Variants in SLC25A16 observed in about 807,000 individuals in gnomAD.
SLC25A16 encodes mitochondrial coenzyme A transporter SLC25A16.
SLC25A16 carries 39 observed loss-of-function variants against 41.5 expected under a neutral mutation model. The observed-to-expected ratio is 0.94, with a 90% CI of 0.73 to 1.23. The LOEUF is 1.23. SLC25A16 is among the 50% of genes most tolerant of loss of function. The probability of loss-of-function intolerance (pLI) is 0.00; values close to 1 mark genes in which losing one functional copy is unlikely to be tolerated. For missense variants in SLC25A16, 421 were observed against 426.9 expected (o/e 0.99, Z 0.12); for synonymous variants, 146 against 147.8 (o/e 0.99, Z 0.09).
chr10:68,507,728 C>T (rs1269016364), intron 2 of SLC25A16, among the ~76,000 whole-genome samples: 4 of 152,114 alleles, frequency 2.6e-5, no homozygotes, highest in Non-Finnish European at 2.9e-5. Context: ...ATTACTACTT[C>T]CATTATTCAA....
At position 68,483,377 on chromosome 10, in the gene SLC25A16, A is replaced by G. The variant is rs529685622; in HGVS notation, c.*55T>C. On this transcript the variant is annotated 3_prime_UTR_variant, in exon 9 of 9. Transcript: ENST00000609923. ...TAATGTTCCCCCCACAATTATAGTA[A>G]TGTTTCATTTCTCCCTCTGAGAATG... The G allele has an allele frequency of 1.6e-5, 18 of 1,147,050 alleles. No homozygotes were observed. The South Asian group carries it at 2.7e-4, about 17-fold the overall frequency. The allele number at this position is 1,147,050 out of a possible 1,614,324, so 71.1% of individuals were successfully genotyped here.
At chr10:68,514,480 A>G (rs1220062359) in intron 2 of SLC25A16, among the ~76,000 whole-genome samples, 3 of 152,198 alleles carry the variant, frequency 2.0e-5, no homozygotes, top group Non-Finnish European at 4.4e-5. Flanking sequence ...TGGGCAACAC[A>G]GTGAAACTCC....
At chr10:68,504,016 AC>A (rs2052904640) in intron 3 of SLC25A16, among the ~76,000 whole-genome samples, 2 of 106,348 alleles carry the variant, frequency 1.9e-5, no homozygotes, top group African/African-American at 8.0e-5. Context: ...ATAAACTGCT[AC>A]TTTTTTTTTT....
At chr10:68,517,777 T>C (rs781588582) in intron 1 of SLC25A16, 4 of 152,060 alleles carry the variant, frequency 2.6e-5, no homozygotes, top group Non-Finnish European at 5.9e-5. Flanking sequence ...GACACCAGCC[T>C]GGCCAACATG....
intron 1 of SLC25A16, among the ~76,000 whole-genome samples, chr10:68,519,549 T>A (rs927636699): frequency 1.5e-4 from 22 of 151,656 alleles, no homozygotes; most frequent in African/African-American, 5.3e-4. Flanking sequence ...CTAAAAATAA[T>A]ATGCATTTGG....
chr10:68,480,429 T>C lies in SLC25A16; in HGVS notation c.*3003A>G, dbSNP rs2052471220. On this transcript the variant is annotated 3_prime_UTR_variant, in exon 9 of 9. Transcript: ENST00000609923. ...CCTCTGTATTCTATAACATATAGAA[T>C]GCAAATTTTTATTTAAAAGATATTT... is the stretch of plus-strand genomic sequence containing the variant. 6.8e-6 allele frequency: 1 copy of C among 147,690 alleles called. No individual in the cohort carries two copies. Among genetic ancestry groups the C allele is most frequent in the Non-Finnish European group, 1.5e-5 (1 of 67,778 alleles). The allele number at this position is 147,690 out of a possible 1,614,324, so 9.1% of individuals were successfully genotyped here.
chr10:68,486,240 A>AAAAACAAAAAAAC (rs1554914568), intron 8 of SLC25A16, among the ~76,000 whole-genome samples: 1 of 146,738 alleles, frequency 6.8e-6, no homozygotes, highest in African/African-American at 2.7e-5. Context: ...ACAAAAAAAA[A>AAAAACAAAAAAAC]AAAAAAACAC....
intron 1 of SLC25A16, among the ~76,000 whole-genome samples, chr10:68,524,820 T>C (rs966453719): frequency 2.7e-5 from 4 of 150,726 alleles, no homozygotes; most frequent in African/African-American, 9.8e-5. Flanking sequence ...GAGGTTGCAG[T>C]GAGCAGAGAT....
intron 8 of SLC25A16, among the ~76,000 whole-genome samples, chr10:68,485,325 T>G (rs2052540956): frequency 6.6e-6 from 1 of 152,078 alleles, no homozygotes; most frequent in African/African-American, 2.4e-5. Context: ...CTCCTGACCT[T>G]GTGATCCTCC....
At chr10:68,506,556 CA>C in intron 3 of SLC25A16, 28 bp downstream of exon 3, 1 of 1,511,566 alleles carries the variant, frequency 6.6e-7, no homozygotes, top group Non-Finnish European at 8.9e-7. Flanking sequence ...TTCAAGAACG[CA>C]AAAGAGAAAA....
At chr10:68,483,610 A>G (rs764737177) in intron 8 of SLC25A16, 22 bp from the exon 9 acceptor site, 112 of 1,568,648 alleles carry the variant, frequency 7.1e-5, no homozygotes, top group Non-Finnish European at 9.6e-5. Context: ...TGATTAAATG[A>G]TGACCTCTAT....
Position 68,485,104 on chromosome 10 carries a change from CTTTTT to C in SLC25A16, c.843-1521_843-1517del, listed in dbSNP as rs566471856. On this transcript the variant is annotated intron_variant, in intron 8 of 8. Transcript: ENST00000609923. ...ATATATTTTTTCTTCTTTTTCTTTT[CTTTTT>C]TATTGACACGCAGCCTCGCTGCCAG... Among the ~76,000 whole-genome samples, 419 of 152,024 alleles carry C rather than the reference CTTTTT, an allele frequency of 2.8e-3. 3 individuals are homozygous for C. The highest frequency in any genetic ancestry group is 9.7e-3 in the African/African-American group (404 of 41,480).
chr10:68,486,246 A>AAAAAAAAC (rs1564908767), intron 8 of SLC25A16, among the ~76,000 whole-genome samples: 4 of 143,470 alleles, frequency 2.8e-5, no homozygotes, highest in African/African-American at 1.1e-4. Context: ...AAAAAAAAAA[A>AAAAAAAAC]ACACAACCTC....
rs990083002 is a variant in SLC25A16, at chr10:68,482,208, G to C, written c.*1224C>G. ...CACTCCAGCCTGGGCGATAGAGCGA[G>C]ACTCCATCTCAAAAAAAAAAAAAAA... is the stretch of plus-strand genomic sequence containing the variant. On this transcript the variant is annotated 3_prime_UTR_variant, in exon 9 of 9. Coordinates refer to ENST00000609923, the MANE Select transcript of SLC25A16 (RefSeq NM_152707.4). 1 of 142,592 alleles carries C rather than the reference G, an allele frequency of 7.0e-6. No individual in the cohort carries two copies. The highest frequency in any genetic ancestry group is 1.5e-5 in the Non-Finnish European group (1 of 67,016). The allele number at this position is 142,592 out of a possible 1,614,324, so 8.8% of individuals were successfully genotyped here.
intron 2 of SLC25A16, among the ~76,000 whole-genome samples, chr10:68,516,086 T>C (rs1314906672): frequency 4.6e-5 from 7 of 152,154 alleles, no homozygotes; most frequent in Non-Finnish European, 1.0e-4. Context: ...CCATTTGAAA[T>C]GCTCGTTTCC....
chr10:68,524,490 G>C (rs1341906380), intron 1 of SLC25A16, among the ~76,000 whole-genome samples: 1 of 151,612 alleles, frequency 6.6e-6, no homozygotes. Flanking sequence ...GCAGTGAGCT[G>C]AGATGGCACT....
At chr10:68,520,754 G>T (rs1197700638) in intron 1 of SLC25A16, among the ~76,000 whole-genome samples, 1 of 147,806 alleles carries the variant, frequency 6.8e-6, no homozygotes, top group African/African-American at 2.5e-5. Context: ...AGAGGTTGCA[G>T]TGATTCACAA....
At chr10:68,498,142 C>G (rs997656475) in intron 4 of SLC25A16, among the ~76,000 whole-genome samples, 3 of 152,228 alleles carry the variant, frequency 2.0e-5, no homozygotes, top group East Asian at 3.9e-4. Context: ...GCCGCTCCCC[C>G]ACTCCCACAA....
chr10:68,503,410 T>A (rs966116575), intron 4 of SLC25A16, among the ~76,000 whole-genome samples: 4 of 152,186 alleles, frequency 2.6e-5, no homozygotes, highest in African/African-American at 9.7e-5. Context: ...TTCATATATA[T>A]AACTGAATAT....
Sources: gnomAD v4.1 joint callset for allele counts (sites outside exome capture counted in the v4.1 genomes callset) on GRCh38, gnomAD v4.1.1 for gene constraint, MANE v1.5 for transcripts, NCBI Gene and HGNC (gene_info 2026-07-23, HGNC 2026-07-21) for gene names.